Variants in OBI1 observed in about 807,000 individuals in gnomAD.
OBI1 encodes ORC ubiquitin ligase 1.
OBI1 carries 59 observed loss-of-function variants against 62.4 expected under a neutral mutation model. That is an observed-to-expected ratio of 0.95 (90% confidence interval 0.77 to 1.17). OBI1 has a LOEUF of 1.17. Ranked by LOEUF, OBI1 falls within the 50% of genes most tolerant of loss-of-function variation. The probability of loss-of-function intolerance (pLI) is 0.00; values close to 1 mark genes in which losing one functional copy is unlikely to be tolerated. For synonymous variants in OBI1, 302 were observed against 292.8 expected, an observed-to-expected ratio of 1.03 and a Z score of -0.32; for missense variants, 875 against 830.9, an observed-to-expected ratio of 1.05 and a Z score of -0.65.
In OBI1 at chr13:78,616,967, T is replaced by G. The variant is rs144526689; in HGVS notation, c.794A>C (p.Glu265Ala). ...AQLKNSSEEK[E>A]AMNSICQTAL... is the part of the protein sequence containing the mutation. ...TGTCTGGCAAATGGAATTCATAGCTTCTTTCTCTTCACTTGAATTTTTTAG... is the reference window on the plus strand; with the variant it reads ...TGTCTGGCAAATGGAATTCATAGCTGCTTTCTCTTCACTTGAATTTTTTAG... The change falls in exon 6 of 6, where the codon GAA becomes GCA. Residue 265 changes from glutamate to alanine, a missense_variant. Glu to Ala is a moderately radical substitution (Grantham distance 107, BLOSUM62 -1). Transcript: ENST00000282003. 50 of 1,614,080 alleles carry G rather than the reference T, an allele frequency of 3.1e-5. No individual in the cohort carries two copies. Among genetic ancestry groups the G allele is most frequent in the Non-Finnish European group, 4.2e-5 (49 of 1,180,036 alleles).
intron 5 of OBI1, 90 bp downstream of exon 5, chr13:78,635,020 G>C: frequency 1.4e-6 from 1 of 693,754 alleles, no homozygotes; most frequent in Non-Finnish European, 2.4e-6. Context: ...ATGATTAAAT[G>C]AAGAGTCAAA....
intron 1 of OBI1, among the ~76,000 whole-genome samples, chr13:78,646,498 C>A (rs531872012): frequency 1.3e-5 from 2 of 152,060 alleles, no homozygotes; most frequent in East Asian, 3.9e-4. Flanking sequence ...AAAATGTAGT[C>A]TTATCACTTG....
At chr13:78,626,934 C>T (rs1409114314) in intron 5 of OBI1, among the ~76,000 whole-genome samples, 3 of 152,012 alleles carry the variant, frequency 2.0e-5, no homozygotes, top group East Asian at 1.9e-4. Context: ...GGCATGGTGG[C>T]GGGCGCCTGT....
chr13:78,631,398 GTATT>G (rs1211854419), intron 5 of OBI1, among the ~76,000 whole-genome samples: 1 of 152,126 alleles, frequency 6.6e-6, no homozygotes. Context: ...GTCAGAGAGA[GTATT>G]TATTTTGTTC....
Position 78,638,824 on chromosome 13 carries a change from T to G in OBI1, c.548A>C (p.Glu183Ala). 6.2e-7 allele frequency: 1 copy of G among 1,604,428 alleles called. No homozygotes were observed. Among genetic ancestry groups the G allele is most frequent in the East Asian group, 2.2e-5 (1 of 44,798 alleles). The change falls in exon 4 of 6, where the codon GAG becomes GCG. Residue 183 changes from glutamate (E) to alanine (A), a missense_variant and splice_region_variant. Physicochemically the swap from Glu to Ala is moderately radical, Grantham distance 107. Transcript: ENST00000282003. ...KVKDDVDKLK[E>A]ANKKLKLENG... Reference sequence around the variant, plus strand: ...AGATTTTTAAAAACCACAACTTACCTCCTTTAGCTTATCCACATCATCTTT... The same window carrying G: ...AGATTTTTAAAAACCACAACTTACCGCCTTTAGCTTATCCACATCATCTTT...
chr13:78,633,833 C>T (rs1028646942), intron 5 of OBI1, among the ~76,000 whole-genome samples: 6 of 151,908 alleles, frequency 3.9e-5, no homozygotes, highest in Admixed American at 2.6e-4. Flanking sequence ...TTTGGGAGGC[C>T]GAGGCGGGTG....
chr13:78,622,989 C>T (rs1414517023), intron 5 of OBI1, among the ~76,000 whole-genome samples: 1 of 152,076 alleles, frequency 6.6e-6, no homozygotes, highest in Non-Finnish European at 1.5e-5. Flanking sequence ...GTGCATTACC[C>T]ATCCTTGTAT....
intron 5 of OBI1, among the ~76,000 whole-genome samples, chr13:78,623,938 T>C (rs566617568): frequency 6.6e-6 from 1 of 152,338 alleles, no homozygotes; most frequent in Non-Finnish European, 1.5e-5. Context: ...CAGACCACCC[T>C]GGTAAATGCC....
At chr13:78,657,856 G>C (rs1593805074) in intron 1 of OBI1, among the ~76,000 whole-genome samples, 1 of 152,304 alleles carries the variant, frequency 6.6e-6, no homozygotes, top group East Asian at 1.9e-4. Flanking sequence ...TAGCCGTGCA[G>C]GCAGTAAGTA....
intron 5 of OBI1, among the ~76,000 whole-genome samples, chr13:78,634,250 T>G (rs1875954264): frequency 1.3e-5 from 2 of 152,002 alleles, no homozygotes; most frequent in African/African-American, 4.8e-5. Flanking sequence ...GTGTAATGGT[T>G]AAGAGCACAG....
chr13:78,656,513 C>G, intron 1 of OBI1, among the ~76,000 whole-genome samples: 1 of 151,174 alleles, frequency 6.6e-6, no homozygotes. Flanking sequence ...ACCCGGGAGG[C>G]GGAGGTTGCG....
chr13:78,652,823 T>C (rs1055483945), intron 1 of OBI1, among the ~76,000 whole-genome samples: 1 of 152,172 alleles, frequency 6.6e-6, no homozygotes, highest in African/African-American at 2.4e-5. Context: ...GCTCGCCTTC[T>C]GCTGTGCAGT....
At position 78,614,530 on chromosome 13, in the gene OBI1, T is replaced by C. The variant is rs1875178833; in HGVS notation, c.*1050A>G. On this transcript the variant is annotated 3_prime_UTR_variant, in exon 6 of 6. Coordinates refer to ENST00000282003, the MANE Select transcript of OBI1 (RefSeq NM_024546.4). ...CCTCAACACTCTTCACAGAAAAGTT[T>C]TGTCCTACATAAAAGATATTCTATC... 6.6e-6 allele frequency: 1 copy of C among 152,668 alleles called. No individual in the cohort carries two copies. Among genetic ancestry groups the C allele is most frequent in the Non-Finnish European group, 1.5e-5 (1 of 68,050 alleles). 9.5% of individuals were successfully genotyped at this position (152,668 alleles called of 1,614,324 possible).
chr13:78,617,388 G>A (rs1017015194), intron 5 of OBI1: 6 of 324,776 alleles, frequency 1.8e-5, no homozygotes, highest in Admixed American at 4.4e-5. Context: ...GCAGAAATGT[G>A]CTGATGATTT....
At chr13:78,636,659 C>G (rs1488948878) in intron 4 of OBI1, among the ~76,000 whole-genome samples, 1 of 152,156 alleles carries the variant, frequency 6.6e-6, no homozygotes, top group East Asian at 1.9e-4. Flanking sequence ...TGAATGCACA[C>G]CAACCAGGAC....
At position 78,659,137 on chromosome 13, in the gene OBI1, C is replaced by A; in HGVS notation, c.-17G>T. ...CTGAGCCATGGCAGCGTTCAGAATC[C>A]CGCCAACACGGAAGTCCCGCCGACC... On this transcript the variant is annotated 5_prime_UTR_variant, in exon 1 of 6. Transcript: ENST00000282003. 1 of 1,608,210 alleles carries A rather than the reference C, an allele frequency of 6.2e-7. No individual in the cohort carries two copies.
intron 5 of OBI1, among the ~76,000 whole-genome samples, chr13:78,623,531 T>C (rs182156001): frequency 6.2e-4 from 95 of 152,268 alleles, no homozygotes; most frequent in Admixed American, 2.7e-3. Flanking sequence ...ATGAGAAGCT[T>C]AAAAGGGGCT....
In OBI1 at chr13:78,615,567, C is replaced by G. The variant is rs765271663; in HGVS notation, c.*13G>C. Reference sequence around the variant, plus strand: ...TCTCAGGACAAAACCACAAATGACACCTTTCTAATGAGTCAACTTTTAGTT... The same window carrying G: ...TCTCAGGACAAAACCACAAATGACAGCTTTCTAATGAGTCAACTTTTAGTT... On this transcript the variant is annotated 3_prime_UTR_variant, in exon 6 of 6. Transcript: ENST00000282003. The G allele has an allele frequency of 6.4e-7, 1 of 1,552,972 alleles. No homozygotes were observed. The highest frequency in any genetic ancestry group is 8.7e-7 in the Non-Finnish European group (1 of 1,149,944).
rs767689573 is a variant in OBI1 at position 78,643,325 on chromosome 13, C to A, written c.209-1112G>T. ...GTGAAATTCAGCAGGTAAAAAAAAA[C>A]AGATAGAGGTTAACCCCGTAGCATG... On this transcript the variant is annotated intron_variant, in intron 2 of 5. Coordinates refer to ENST00000282003, the MANE Select transcript of OBI1 (RefSeq NM_024546.4). Among the ~76,000 whole-genome samples, 102 of 152,106 alleles carry A rather than the reference C, an allele frequency of 6.7e-4. 1 individual carries two copies. The highest frequency in any genetic ancestry group is 8.8e-4 in the Non-Finnish European group (60 of 67,966).
Sources: allele counts gnomAD v4.1 joint callset (sites outside exome capture counted in the v4.1 genomes callset), GRCh38; gene constraint gnomAD v4.1.1; transcripts MANE v1.5; gene names NCBI Gene and HGNC (gene_info 2026-07-23, HGNC 2026-07-21).